The following FSTL1 variants were observed in gnomAD, a reference collection of about 807,000 sequenced individuals.
The protein encoded by FSTL1 is follistatin like 1, also known as follistatin-related protein 1.
Under a neutral mutation model 45.9 loss-of-function variants are expected in FSTL1, and 24 were observed. That is an observed-to-expected ratio of 0.52 (90% confidence interval 0.38 to 0.74). The LOEUF (loss-of-function observed/expected upper bound fraction) is 0.74. Ranked by LOEUF, FSTL1 falls within the 30% of genes least tolerant of loss-of-function variation. The pLI is 0.00. For missense variants in FSTL1, 340 were observed against 381.8 expected (o/e 0.89, Z 0.91); for synonymous variants, 120 against 137.6 (o/e 0.87, Z 0.89).
intron 6 of FSTL1, among the ~76,000 whole-genome samples, chr3:120,408,060 G>A (rs75171573): frequency 6.6e-6 from 1 of 152,222 alleles, no homozygotes; most frequent in African/African-American, 2.4e-5. Context: ...GGGAAGGAGT[G>A]TCCTGGGCCC....
intron 2 of FSTL1, among the ~76,000 whole-genome samples, chr3:120,434,809 T>G (rs1013109141): frequency 2.0e-5 from 3 of 152,342 alleles, no homozygotes; most frequent in African/African-American, 7.2e-5. Context: ...AGTACTTACC[T>G]TGTGGGAGGC....
Position 120,409,754 on chromosome 3 carries a change from G to A in FSTL1, c.332-92C>T, listed in dbSNP as rs1937016055. On this transcript the variant is annotated intron_variant, in intron 5 of 10. Transcript: ENST00000295633. ...CTGTGTGGGAGCATCCGTGCCCATG[G>A]TTCTGCATATGTCATCCCAGCAACA... is the stretch of plus-strand genomic sequence containing the variant. The A allele has an allele frequency of 5.0e-6, 6 of 1,197,382 alleles. No homozygotes were observed. The South Asian group carries it at 5.3e-5, about 11-fold the overall frequency. The allele number at this position is 1,197,382 out of a possible 1,614,324, so 74.2% of individuals were successfully genotyped here.
chr3:120,408,278 T>G (rs529294845), intron 6 of FSTL1, among the ~76,000 whole-genome samples: 28 of 152,132 alleles, frequency 1.8e-4, no homozygotes, highest in African/African-American at 6.5e-4. Context: ...AATGTGGGAG[T>G]GATTGAGAGA....
In FSTL1 at chr3:120,446,022, C is replaced by T. The variant is rs1197820572; in HGVS notation, c.63+4662G>A. ...CTGAGGACATTAATCATCTGGCTTA[C>T]AAAGTGAACCTATCTAATGTACTTT... On this transcript the variant is annotated intron_variant, in intron 2 of 10. Transcript: ENST00000295633. Among the ~76,000 whole-genome samples, 3 of 140,154 alleles carry T rather than the reference C, an allele frequency of 2.1e-5. 1 individual carries two copies. The highest frequency in any genetic ancestry group is 1.0e-4 in the African/African-American group (3 of 30,108). 91.9% of individuals were successfully genotyped at this position (140,154 alleles called of 152,430 possible).
Position 120,395,475 on chromosome 3 carries a change from C to G in FSTL1, c.*1477G>C, listed in dbSNP as rs760287107. 4.3e-4 allele frequency: 163 copies of G among 382,008 alleles called. No homozygotes were observed. The highest frequency in any genetic ancestry group is 5.5e-4 in the Non-Finnish European group (108 of 195,878). 23.7% of individuals were successfully genotyped at this position (382,008 alleles called of 1,614,324 possible). A position where few individuals can be genotyped will look rare whatever the true frequency, so the allele number is the denominator to read the frequency against. Reference sequence around the variant, plus strand: ...ATCCTCATCTCTAAGGGAATGCTTTCTATTTCCAGCCGGAGGTTAAACATG... The same window carrying G: ...ATCCTCATCTCTAAGGGAATGCTTTGTATTTCCAGCCGGAGGTTAAACATG... On this transcript the variant is annotated 3_prime_UTR_variant, in exon 11 of 11. Coordinates refer to ENST00000295633, the MANE Select transcript of FSTL1 (RefSeq NM_007085.5).
chr3:120,403,331 A>G lies in FSTL1; in HGVS notation c.605T>C (p.Ile202Thr). The G allele has an allele frequency of 1.2e-6, 2 of 1,608,928 alleles. No individual in the cohort carries two copies. The highest frequency in any genetic ancestry group is 4.5e-5 in the East Asian group (2 of 44,842). Residue 202 changes from isoleucine to threonine, a missense_variant, in exon 8 of 11, where the codon ATT becomes ACT. By Grantham distance (89) the Ile-to-Thr change is moderately conservative (BLOSUM62 -1). Transcript: ENST00000295633. ...ATCAGCATTTTCATCAGACAGTTCAATGAGAGCATCAACACAGAGTCCCCT... is the reference window on the plus strand; with the variant it reads ...ATCAGCATTTTCATCAGACAGTTCAGTGAGAGCATCAACACAGAGTCCCCT... ...LLRGLCVDAL[I>T]ELSDENADWK... is the part of the protein sequence containing the mutation.
intron 2 of FSTL1, among the ~76,000 whole-genome samples, chr3:120,426,488 C>T (rs1559741030): frequency 6.6e-6 from 1 of 152,158 alleles, no homozygotes. Context: ...TTCTCCACTC[C>T]ACCCATTTTT....
At position 120,410,925 on chromosome 3, in the gene FSTL1, C is replaced by T. The variant is rs377252739; in HGVS notation, c.331+27G>A. On this transcript the variant is annotated intron_variant, in intron 5 of 10. Coordinates refer to ENST00000295633, the MANE Select transcript of FSTL1 (RefSeq NM_007085.5). ...TGAAAAGAATGTCCTCCCTGAGATG[C>T]ACACAGTAGAAAAAATAGGCACTCA... 1.3e-5 allele frequency: 20 copies of T among 1,556,200 alleles called. No homozygotes were observed. In the Middle Eastern group the frequency reaches 5.0e-4, roughly 39 times the overall value.
intron 10 of FSTL1, 121 bp from the exon 11 acceptor site, chr3:120,397,117 C>A: frequency 1.2e-6 from 1 of 820,872 alleles, no homozygotes; most frequent in Non-Finnish European, 2.1e-6. Context: ...TAGTTGTTTA[C>A]TTGTCGGGCT....
intron 2 of FSTL1, among the ~76,000 whole-genome samples, chr3:120,433,870 A>G (rs1221442969): frequency 6.6e-6 from 1 of 152,236 alleles, no homozygotes; most frequent in Non-Finnish European, 1.5e-5. Flanking sequence ...TAGCCATAGC[A>G]CTGGGTCCAA....
In FSTL1 at chr3:120,393,286, G is replaced by C. The variant is rs899517631; in HGVS notation, c.*3666C>G. The C allele has an allele frequency of 7.9e-5, 12 of 152,264 alleles. No homozygotes were observed. Among genetic ancestry groups the C allele is most frequent in the African/African-American group, 2.2e-4 (9 of 41,530 alleles). The allele number at this position is 152,264 out of a possible 1,614,324, so 9.4% of individuals were successfully genotyped here. A position where few individuals can be genotyped will look rare whatever the true frequency, so the allele number is the denominator to read the frequency against. On this transcript the variant is annotated 3_prime_UTR_variant, in exon 11 of 11. Coordinates refer to ENST00000295633, the MANE Select transcript of FSTL1 (RefSeq NM_007085.5). ...TTTTAGGAAAGCAAAACTTCCACAT[G>C]ACTGAACCGAAGAAACCTTAAACCT...
At position 120,431,640 on chromosome 3, in the gene FSTL1, T is replaced by C. The variant is rs147881652; in HGVS notation, c.64-15613A>G. On this transcript the variant is annotated intron_variant, in intron 2 of 10. Coordinates refer to ENST00000295633, the MANE Select transcript of FSTL1 (RefSeq NM_007085.5). ...GAGTTTGAGACCAGCCTGGGCAATA[T>C]AGCAAGATCCTGTCTCTTAAAAAAA... is the stretch of plus-strand genomic sequence containing the variant. Among the ~76,000 whole-genome samples, 71 of 151,786 alleles carry C rather than the reference T, an allele frequency of 4.7e-4. 1 individual carries two copies. In the East Asian group the frequency reaches 0.01, roughly 22 times the overall value.
intron 4 of FSTL1, 134 bp from the exon 5 acceptor site, chr3:120,411,118 T>C (rs1339266604): frequency 6.5e-6 from 4 of 618,050 alleles, no homozygotes; most frequent in Non-Finnish European, 1.2e-5. Flanking sequence ...CTTGAATCCT[T>C]TCCCTTCCTT....
chr3:120,415,752 C>A, intron 3 of FSTL1, 171 bp downstream of exon 3: 3 of 500,698 alleles, frequency 6.0e-6, no homozygotes, highest in East Asian at 6.1e-5. Context: ...GAAAAAATAT[C>A]CATGCTTTAA....
In FSTL1 at chr3:120,395,491, G is replaced by T. The variant is rs1031473256; in HGVS notation, c.*1461C>A. 2.5e-6 allele frequency: 1 copy of T among 394,694 alleles called. No homozygotes were observed. Among genetic ancestry groups the T allele is most frequent in the Non-Finnish European group, 5.0e-6 (1 of 200,326 alleles). 24.4% of individuals were successfully genotyped at this position (394,694 alleles called of 1,614,324 possible). On this transcript the variant is annotated 3_prime_UTR_variant, in exon 11 of 11. Transcript: ENST00000295633. The stretch of plus-strand genomic sequence containing the variant: ...GAATGCTTTCTATTTCCAGCCGGAG[G>T]TTAAACATGAAATGCAAATATGAAG...
intron 2 of FSTL1, among the ~76,000 whole-genome samples, chr3:120,432,487 G>A (rs1399124942): frequency 6.6e-6 from 1 of 151,764 alleles, no homozygotes; most frequent in Non-Finnish European, 1.5e-5. Context: ...AAAACCCTCC[G>A]AGACCCTCAA....
chr3:120,400,052 C>T lies in FSTL1; in HGVS notation c.806-93G>A. On this transcript the variant is annotated intron_variant, in intron 9 of 10. Transcript: ENST00000295633. Reference sequence around the variant, plus strand: ...TACCTAGAGGCTCTCAATTCATCTCCCATTTAACTTGTGGAAGGAGAGGTG... The same window carrying T: ...TACCTAGAGGCTCTCAATTCATCTCTCATTTAACTTGTGGAAGGAGAGGTG... 6.0e-6 allele frequency: 5 copies of T among 826,532 alleles called. No individual in the cohort carries two copies. In the East Asian group the frequency reaches 1.1e-4, roughly 17 times the overall value. 51.2% of individuals were successfully genotyped at this position (826,532 alleles called of 1,614,324 possible). A position where few individuals can be genotyped will look rare whatever the true frequency, so the allele number is the denominator to read the frequency against.
At chr3:120,439,981 GCACATGCCTGTAGT>G (rs1937611394) in intron 2 of FSTL1, among the ~76,000 whole-genome samples, 1 of 152,138 alleles carries the variant, frequency 6.6e-6, no homozygotes, top group African/African-American at 2.4e-5. Flanking sequence ...GGGCCTGATG[GCACATGCCTGTAGT>G]CCCAGCTACT....
At chr3:120,432,241 A>G (rs1392067136) in intron 2 of FSTL1, among the ~76,000 whole-genome samples, 1 of 152,204 alleles carries the variant, frequency 6.6e-6, no homozygotes, top group Admixed American at 6.5e-5. Context: ...ACACAAACAC[A>G]GTTTCAGTGC....
Sources: allele counts gnomAD v4.1 joint callset (sites outside exome capture counted in the v4.1 genomes callset), GRCh38; gene constraint gnomAD v4.1.1; transcripts MANE v1.5; gene names NCBI Gene and HGNC (gene_info 2026-07-23, HGNC 2026-07-21).